Variants in RRM2 observed in about 807,000 individuals in gnomAD.
The protein encoded by RRM2 is ribonucleotide reductase regulatory subunit M2.
In RRM2, 6 loss-of-function variants were observed where a neutral mutation model predicts 45.9. The ratio of observed to expected loss-of-function variants is 0.13; its 90% confidence interval spans 0.07 to 0.26. The LOEUF (loss-of-function observed/expected upper bound fraction) is 0.26, where lower values mean the gene tolerates loss of function less well. Among genes scored for constraint, RRM2 ranks in the 10% least tolerant of loss-of-function variants. The probability of loss-of-function intolerance (pLI) is 1.00; values close to 1 mark genes in which losing one functional copy is unlikely to be tolerated. For synonymous variants in RRM2, 177 were observed against 173.0 expected, an observed-to-expected ratio of 1.02 and a Z score of -0.18; for missense variants, 343 against 489.5, an observed-to-expected ratio of 0.70 and a Z score of 2.82.
At chr2:10,186,161 A>G (rs76878016) in intron 3 of RRM2, among the ~76,000 whole-genome samples, 1 of 152,162 alleles carries the variant, frequency 6.6e-6, no homozygotes, top group African/African-American at 2.4e-5. Context: ...GTGATTTTGG[A>G]TGAGCCATTT....
chr2:10,123,078 A>G, intron 2 of RRM2, 21 bp downstream of exon 2: 1 of 1,539,478 alleles, frequency 6.5e-7, no homozygotes, highest in Non-Finnish European at 8.7e-7. Context: ...GGCGTGGGGC[A>G]GAGGGGCCAG....
rs1366355037 is a variant in RRM2, at chr2:10,185,321, A to G, written n.483-24990A>G. 2.0e-5 allele frequency among the ~76,000 whole-genome samples: 3 copies of G among 152,170 alleles called. No individual in the cohort carries two copies. The highest frequency in any genetic ancestry group is 2.9e-5 in the Non-Finnish European group (2 of 68,022). ...GCAGGAGAGGCTGAGCGTGGGAGGG[A>G]GACAGACGGCATCGATTCATTAATA... On this transcript the variant is annotated intron_variant and non_coding_transcript_variant, in intron 3 of 3. Transcript: ENST00000381786. This position sits in a 1 kb window ranked among gnomAD's most constrained non-coding sequence, Gnocchi z 4.3.
At chr2:10,158,464 G>A (rs978806237) in intron 3 of RRM2, among the ~76,000 whole-genome samples, 1 of 151,906 alleles carries the variant, frequency 6.6e-6, no homozygotes, top group East Asian at 1.9e-4. Flanking sequence ...AGGGGTCTTG[G>A]CCATGTCTTT....
chr2:10,193,030 C>G (rs961983283), intron 3 of RRM2, among the ~76,000 whole-genome samples: 3 of 152,226 alleles, frequency 2.0e-5, no homozygotes, highest in African/African-American at 7.2e-5. Context: ...GCTCCCTTCT[C>G]TGCTCTGAGC....
intron 3 of RRM2, among the ~76,000 whole-genome samples, chr2:10,201,119 A>C (rs1664560903): frequency 6.6e-6 from 1 of 150,950 alleles, no homozygotes; most frequent in Non-Finnish European, 1.5e-5. Context: ...ACTGCTCTCC[A>C]GCCTGGGGAA....
upstream of RRM2, among the ~76,000 whole-genome samples, chr2:10,136,485 T>C (rs1662991707): frequency 1.3e-5 from 2 of 152,094 alleles, no homozygotes; most frequent in African/African-American, 4.8e-5. Context: ...TGTTGCCCTT[T>C]ATCAGAGGTG....
In RRM2 at chr2:10,130,444, A is replaced by G. The variant is rs1470827314; in HGVS notation, c.*1058A>G. Reference sequence around the variant, plus strand: ...TCATTTATATTTACTATGTCTGTTAAATCAGAAATTTTTTATTATCTATGT... The same window carrying G: ...TCATTTATATTTACTATGTCTGTTAGATCAGAAATTTTTTATTATCTATGT... On this transcript the variant is annotated 3_prime_UTR_variant, in exon 10 of 10. Transcript: ENST00000304567. The G allele has an allele frequency of 3.3e-5, 5 of 152,076 alleles. No individual in the cohort carries two copies. Among genetic ancestry groups the G allele is most frequent in the African/African-American group, 9.7e-5 (4 of 41,406 alleles). 9.4% of individuals were successfully genotyped at this position (152,076 alleles called of 1,614,324 possible). A position where few individuals can be genotyped will look rare whatever the true frequency, so the allele number is the denominator to read the frequency against.
rs7591018 is a variant in RRM2, at chr2:10,205,079, C to G, written n.483-5232C>G. 6.6e-6 allele frequency among the ~76,000 whole-genome samples: 1 copy of G among 152,362 alleles called. No individual in the cohort carries two copies. Among genetic ancestry groups the G allele is most frequent in the South Asian group, 2.1e-4 (1 of 4,834 alleles). The stretch of plus-strand genomic sequence containing the variant: ...ACTTTTGTTTTCAGTGCCCAGCTCC[C>G]TAAGCCTTCTTTGTCCTTACCGTCT... On this transcript the variant is annotated intron_variant and non_coding_transcript_variant, in intron 3 of 3. Coordinates refer to the RRM2 transcript ENST00000381786. The surrounding 1 kb of genome is among the most constrained non-coding windows in gnomAD (Gnocchi z 4.8).
Position 10,126,952 on chromosome 2 carries a change from A to T in RRM2, c.647A>T (p.Asp216Val), listed in dbSNP as rs1266815368. The T allele has an allele frequency of 1.9e-6, 3 of 1,613,928 alleles. No homozygotes were observed. The highest frequency in any genetic ancestry group is 2.7e-5 in the African/African-American group (2 of 74,900). The change falls in exon 6 of 10, where the codon GAC (aspartate) becomes GTC (valine). Residue 216 changes from aspartate to valine, a missense_variant. Coordinates refer to ENST00000304567, the MANE Select transcript of RRM2 (RefSeq NM_001034.4). ...KADWALRWIG[D>V]KEATYGERVV... ...GACTGGGCCTTGCGCTGGATTGGGG[A>T]CAAAGAGGCTACCTATGGTAAGGAG...
chr2:10,191,344 T>C (rs2125329175), intron 3 of RRM2, among the ~76,000 whole-genome samples: 1 of 152,328 alleles, frequency 6.6e-6, no homozygotes, highest in South Asian at 2.1e-4. Context: ...CTCTAAACCT[T>C]GCATGACACT....
chr2:10,124,639 G>A (rs1662743436), intron 4 of RRM2, 78 bp from the exon 5 acceptor site: 1 of 1,488,834 alleles, frequency 6.7e-7, no homozygotes, highest in Admixed American at 1.7e-5. Flanking sequence ...TACAAAGAGT[G>A]CGATGCTGCC....
chr2:10,175,599 A>T (rs997684312), intron 3 of RRM2, among the ~76,000 whole-genome samples: 46 of 152,104 alleles, frequency 3.0e-4, no homozygotes, highest in Non-Finnish European at 6.3e-4. Flanking sequence ...TTAAAAAAAA[A>T]TTTTATTTTA....
At chr2:10,141,826 C>A in intron 1 of RRM2, 3 of 1,552,002 alleles carry the variant, frequency 1.9e-6, no homozygotes, top group Non-Finnish European at 2.6e-6. Flanking sequence ...CATGCAGTCA[C>A]TGAGCCCTCC....
At chr2:10,162,348 G>T (rs1663579816) in intron 3 of RRM2, among the ~76,000 whole-genome samples, 1 of 152,200 alleles carries the variant, frequency 6.6e-6, no homozygotes, top group Admixed American at 6.5e-5. Context: ...ATGTGTGTGG[G>T]CGTGTGCAGG....
intron 3 of RRM2, among the ~76,000 whole-genome samples, chr2:10,170,576 T>G (rs1048121987): frequency 6.6e-6 from 1 of 152,104 alleles, no homozygotes; most frequent in African/African-American, 2.4e-5. Context: ...GGGCAGCTGA[T>G]GAGCTCAGCC....
intron 3 of RRM2, among the ~76,000 whole-genome samples, chr2:10,146,657 G>A (rs1173806964): frequency 2.0e-5 from 3 of 149,482 alleles, no homozygotes. Context: ...CTTGGAGGGC[G>A]CAGGAGAGCT....
intron 3 of RRM2, among the ~76,000 whole-genome samples, chr2:10,189,486 C>G (rs1664240178): frequency 6.6e-6 from 1 of 152,214 alleles, no homozygotes. Context: ...TCAGCTCAGC[C>G]TGGGCCAGGC....
At chr2:10,137,712 G>A (rs937507491), upstream of RRM2, among the ~76,000 whole-genome samples, 7 of 152,210 alleles carry the variant, frequency 4.6e-5, no homozygotes, top group Admixed American at 6.5e-5. Context: ...GGTGGAAAAC[G>A]GGGAGATTTC....
chr2:10,144,942 C>A (rs2125313057), intron 3 of RRM2, among the ~76,000 whole-genome samples: 1 of 152,302 alleles, frequency 6.6e-6, no homozygotes, highest in Non-Finnish European at 1.5e-5. Flanking sequence ...AAAGTGTACA[C>A]CATGTAGCAT....
Sources: allele counts gnomAD v4.1 joint callset (sites outside exome capture counted in the v4.1 genomes callset), GRCh38; gene constraint gnomAD v4.1.1; non-coding constraint Gnocchi (gnomAD v3.1); transcripts MANE v1.5; gene names NCBI Gene and HGNC (gene_info 2026-07-23, HGNC 2026-07-21).